ZSWIM7: variants seen among roughly 807,000 people sequenced by gnomAD.
ZSWIM7 encodes zinc finger SWIM-type containing 7, also known as zinc finger SWIM domain-containing protein 7.
ZSWIM7 carries 22 observed loss-of-function variants against 21.1 expected under a neutral mutation model. The observed-to-expected ratio is 1.04, with a 90% confidence interval of 0.74 to 1.49. The LOEUF (loss-of-function observed/expected upper bound fraction) is 1.49, where lower values mean the gene tolerates loss of function less well. Ranked by LOEUF, ZSWIM7 falls within the 40% of genes most tolerant of loss-of-function variation. The pLI is 0.00. For missense variants in ZSWIM7, 193 were observed against 168.0 expected, an observed-to-expected ratio of 1.15 and a Z score of -0.82; for synonymous variants, 67 against 66.5, an observed-to-expected ratio of 1.01 and a Z score of -0.04.
At chr17:15,978,276 AT>A in intron 4 of ZSWIM7, 113 bp from the exon 5 acceptor site, 1 of 766,536 alleles carries the variant, frequency 1.3e-6, no homozygotes, top group Non-Finnish European at 2.3e-6. Flanking sequence ...GAGCATACAG[AT>A]TACGGGGTCT....
At chr17:15,995,276 T>C (rs1261295552) in intron 1 of ZSWIM7, among the ~76,000 whole-genome samples, 3 of 151,834 alleles carry the variant, frequency 2.0e-5, no homozygotes, top group Non-Finnish European at 4.4e-5. Flanking sequence ...CTCTCTTTTT[T>C]TTTTTTTTGA....
intron 2 of ZSWIM7, among the ~76,000 whole-genome samples, chr17:15,991,619 T>C (rs923049621): frequency 3.9e-5 from 6 of 152,232 alleles, no homozygotes; most frequent in African/African-American, 1.4e-4. Context: ...TTACATCTTT[T>C]ATTCTTTGCC....
intron 1 of ZSWIM7, among the ~76,000 whole-genome samples, chr17:15,998,211 G>A (rs964430655): frequency 6.6e-6 from 1 of 152,122 alleles, no homozygotes; most frequent in Non-Finnish European, 1.5e-5. Flanking sequence ...AAACCCTCAG[G>A]CCATCAAATC....
chr17:15,991,913 TGTTTGTTTTGTTTTG>T (rs1970488667), intron 2 of ZSWIM7, among the ~76,000 whole-genome samples: 1 of 61,042 alleles, frequency 1.6e-5, no homozygotes, highest in Non-Finnish European at 5.1e-5. Flanking sequence ...TGTTTTTTTT[TGTTTGTTTTGTTTTG>T]TTTTGTTTTT....
In ZSWIM7 at chr17:15,978,003, T is replaced by C. The variant is rs1970299762; in HGVS notation, c.*44A>G. Reference sequence around the variant, plus strand: ...ATCATGACGCTTTCAATGCATTTCTTGACAGGATTCTATTTTGAAAGAATG... The same window carrying C: ...ATCATGACGCTTTCAATGCATTTCTCGACAGGATTCTATTTTGAAAGAATG... On this transcript the variant is annotated 3_prime_UTR_variant, in exon 5 of 5. Coordinates refer to ENST00000399277, the MANE Select transcript of ZSWIM7 (RefSeq NM_001042697.2). 1 of 1,480,360 alleles carries C rather than the reference T, an allele frequency of 6.8e-7. No homozygotes were observed. Among genetic ancestry groups the C allele is most frequent in the Non-Finnish European group, 9.4e-7 (1 of 1,060,160 alleles). 91.7% of individuals were successfully genotyped at this position (1,480,360 alleles called of 1,614,324 possible). A position where few individuals can be genotyped will look rare whatever the true frequency, so the allele number is the denominator to read the frequency against.
At chr17:15,981,288 ACTT>A (rs1241027671) in intron 3 of ZSWIM7, 144 bp from the exon 4 acceptor site, 4 of 590,610 alleles carry the variant, frequency 6.8e-6, no homozygotes, top group African/African-American at 5.6e-5. Context: ...AGAGGAAACA[ACTT>A]CTCTTCCTCC....
At chr17:15,979,699 G>A (rs1460557751) in intron 4 of ZSWIM7, among the ~76,000 whole-genome samples, 2 of 136,544 alleles carry the variant, frequency 1.5e-5, no homozygotes, top group African/African-American at 2.8e-5. Flanking sequence ...CGAATGGGGC[G>A]GCTGGCCGGG....
Position 15,999,652 on chromosome 17 carries a change from G to T in ZSWIM7, c.-58C>A. On this transcript the variant is annotated 5_prime_UTR_variant, in exon 1 of 5. Transcript: ENST00000399277. ...GACCGCCGCGACGCTCCAGCTGACT[G>T]CGCCTACCTGTGGAGGATCCTGACC... The T allele has an allele frequency of 6.4e-7, 1 of 1,564,316 alleles. No individual in the cohort carries two copies. The highest frequency in any genetic ancestry group is 8.7e-7 in the Non-Finnish European group (1 of 1,155,610).
chr17:15,996,287 G>A (rs949543976), intron 1 of ZSWIM7, among the ~76,000 whole-genome samples: 3 of 151,276 alleles, frequency 2.0e-5, no homozygotes, highest in African/African-American at 7.3e-5. Context: ...TGGGCAACAA[G>A]AGCGAAACTC....
rs187703526 is a variant in ZSWIM7 at position 15,981,701 on chromosome 17, C to G, written c.202-557G>C. Among the ~76,000 whole-genome samples the G allele has an allele frequency of 2.1e-3, 325 of 152,186 alleles. 6 individuals carry two copies. Among genetic ancestry groups the G allele is most frequent in the Admixed American group, 0.019 (291 of 15,286 alleles). On this transcript the variant is annotated intron_variant, in intron 3 of 4. Transcript: ENST00000399277. ...AGGTGGGAGGATCACTTGACCCCCC[C>G]CAGAGTTCAAGACCAGCATGGGCAA...
intron 1 of ZSWIM7, 80 bp downstream of exon 1, chr17:15,999,439 C>T (rs1307095739): frequency 6.5e-7 from 1 of 1,539,972 alleles, no homozygotes; most frequent in Admixed American, 1.8e-5. Context: ...GGACACCCCG[C>T]CTCCTGCCTC....
chr17:15,990,543 C>A (rs1273619056), intron 2 of ZSWIM7, among the ~76,000 whole-genome samples: 3 of 151,746 alleles, frequency 2.0e-5, no homozygotes, highest in African/African-American at 7.3e-5. Context: ...CCACACCCGG[C>A]CTAAGTGTGG....
chr17:15,991,913 TGTTTG>T (rs1567571375), intron 2 of ZSWIM7, among the ~76,000 whole-genome samples: 70 of 61,018 alleles, frequency 1.1e-3, no homozygotes, highest in South Asian at 2.0e-3. Flanking sequence ...TGTTTTTTTT[TGTTTG>T]TTTTGTTTTG....
In ZSWIM7 at chr17:15,978,120, G is replaced by A; in HGVS notation, c.350C>T (p.Thr117Ile). ...GTCAGAGACACTTAGCTGCTGACAG[G>A]TCCTCATAACCTGACTCAGGTAAAC... ...LAVYLSQVMR[T>I]CQQLSVSDKQ... Residue 117 changes from threonine (T) to isoleucine (I), a missense_variant, in exon 5 of 5, where the codon ACC (threonine) becomes ATC (isoleucine). Physicochemically the swap from Thr to Ile is moderately conservative, Grantham distance 89. Coordinates refer to ENST00000399277, the MANE Select transcript of ZSWIM7 (RefSeq NM_001042697.2). The A allele has an allele frequency of 5.0e-6, 8 of 1,614,124 alleles. No individual in the cohort carries two copies. The highest frequency in any genetic ancestry group is 6.8e-6 in the Non-Finnish European group (8 of 1,179,982).
At chr17:15,996,850 C>G (rs1296381707) in intron 1 of ZSWIM7, among the ~76,000 whole-genome samples, 1 of 139,876 alleles carries the variant, frequency 7.1e-6, no homozygotes, top group African/African-American at 2.7e-5. Flanking sequence ...GACCTTGTCT[C>G]GAAAAAAAAA....
At position 15,999,619 on chromosome 17, in the gene ZSWIM7, G is replaced by A. The variant is rs1970645311; in HGVS notation, c.-25C>T. 2 of 1,565,666 alleles carry A rather than the reference G, an allele frequency of 1.3e-6. No individual in the cohort carries two copies. Among genetic ancestry groups the A allele is most frequent in the East Asian group, 2.4e-5 (1 of 41,814 alleles). Reference sequence around the variant, plus strand: ...TCGCGCCGCAGGACACGCCCTCCACGACCGGCGGACCGCCGCGACGCTCCA... The same window carrying A: ...TCGCGCCGCAGGACACGCCCTCCACAACCGGCGGACCGCCGCGACGCTCCA... On this transcript the variant is annotated 5_prime_UTR_variant, in exon 1 of 5. Coordinates refer to ENST00000399277, the MANE Select transcript of ZSWIM7 (RefSeq NM_001042697.2).
rs1405687177 is a variant in ZSWIM7, at chr17:15,981,211, A to G, written c.202-67T>C. 38 of 1,168,546 alleles carry G rather than the reference A, an allele frequency of 3.3e-5. No individual in the cohort carries two copies. In the South Asian group the frequency reaches 4.2e-4, roughly 13 times the overall value. The allele number at this position is 1,168,546 out of a possible 1,614,324, so 72.4% of individuals were successfully genotyped here. On this transcript the variant is annotated intron_variant, in intron 3 of 4. Transcript: ENST00000399277. ...GGAAAAACCACCTCTTTCCCTTTTT[A>G]TTTATGTAGACTCAGAGTTGCTCTG...
chr17:15,979,460 A>C (rs528748953), intron 4 of ZSWIM7, among the ~76,000 whole-genome samples: 8 of 152,238 alleles, frequency 5.3e-5, no homozygotes, highest in African/African-American at 1.9e-4. Context: ...CTATTCCACA[A>C]AACCGCCATT....
chr17:15,979,650 G>T (rs1241035109), intron 4 of ZSWIM7, among the ~76,000 whole-genome samples: 1 of 116,024 alleles, frequency 8.6e-6, no homozygotes, highest in Non-Finnish European at 1.8e-5. Context: ...GGACGGGGCG[G>T]CTGGCTGGGC....
Sources: gnomAD v4.1 joint callset for allele counts (sites outside exome capture counted in the v4.1 genomes callset) on GRCh38, gnomAD v4.1.1 for gene constraint, MANE v1.5 for transcripts, NCBI Gene and HGNC (gene_info 2026-07-23, HGNC 2026-07-21) for gene names.